The following COL13A1 variants were observed in gnomAD, a reference collection of about 807,000 sequenced individuals.
COL13A1 encodes collagen alpha-1(XIII) chain.
In COL13A1, 89 loss-of-function variants were observed where a neutral mutation model predicts 130.9. The observed-to-expected ratio is 0.68, with a 90% confidence interval of 0.57 to 0.81. The LOEUF is 0.81. Ranked by LOEUF, COL13A1 falls within the 30% of genes least tolerant of loss-of-function variation. The pLI is 0.00. For missense variants in COL13A1, 879 were observed against 934.6 expected (o/e 0.94, Z 0.78); for synonymous variants, 402 against 341.6 (o/e 1.18, Z -1.95).
intron 7 of COL13A1, among the ~76,000 whole-genome samples, chr10:69,881,845 A>T (rs898146512): frequency 4.6e-5 from 7 of 152,250 alleles, no homozygotes; most frequent in African/African-American, 1.7e-4. Flanking sequence ...AGATGAGGAA[A>T]CTGAGGCACA....
chr10:69,930,647 C>T (rs948616726), intron 30 of COL13A1, 95 bp downstream of exon 30: 33 of 1,373,976 alleles, frequency 2.4e-5, no homozygotes, highest in Middle Eastern at 2.6e-4. Flanking sequence ...ATGTGAGCTG[C>T]TGCCTGGGCT....
intron 2 of COL13A1, among the ~76,000 whole-genome samples, chr10:69,859,408 C>T (rs568968394): frequency 9.3e-4 from 142 of 152,086 alleles, no homozygotes; most frequent in Non-Finnish European, 1.5e-3. Flanking sequence ...GGGTGGCATT[C>T]GACATGAGTC....
In COL13A1 at chr10:69,919,719, G is replaced by A. The variant is rs768668848; in HGVS notation, c.1081G>A (p.Gly361Arg). ...GCCCCCAGGTTTGCTGGGAAAGAGG[G>A]GGCAGAGGGTAGGATATCGTGTATT... ...PGPPGLLGKR[G>R]QRGEKGAEGS... is the part of the protein sequence containing the mutation. The change falls in exon 21 of 41, where the codon GGG (glycine) becomes AGG (arginine). Residue 361 changes from glycine to arginine, a missense_variant. Gly to Arg is a moderately radical substitution (Grantham distance 125, BLOSUM62 -2). Around this residue, in one of 3 missense-constraint regions of COL13A1, gnomAD observed 715 missense variants for 721.0 expected, o/e 0.99. Coordinates refer to ENST00000645393, the MANE Select transcript of COL13A1 (RefSeq NM_001368882.1). The A allele has an allele frequency of 2.0e-5, 8 of 398,746 alleles. No homozygotes were observed. The highest frequency in any genetic ancestry group is 2.7e-5 in the Non-Finnish European group (6 of 226,288). The allele number at this position is 398,746 out of a possible 1,614,324, so 24.7% of individuals were successfully genotyped here. A position where few individuals can be genotyped will look rare whatever the true frequency, so the allele number is the denominator to read the frequency against.
intron 38 of COL13A1, 82 bp from the exon 39 acceptor site, chr10:69,952,800 T>C (rs952850204): frequency 1.0e-6 from 1 of 991,232 alleles, no homozygotes; most frequent in Non-Finnish European, 1.5e-6. Flanking sequence ...AATTTTATTT[T>C]TCTTTTTCTG....
At chr10:69,850,171 C>T (rs528864964) in intron 2 of COL13A1, among the ~76,000 whole-genome samples, 2 of 151,836 alleles carry the variant, frequency 1.3e-5, no homozygotes, top group Non-Finnish European at 2.9e-5. Context: ...TGGATGAGAT[C>T]TAAATGTCCA....
At chr10:69,905,933 G>A in intron 17 of COL13A1, 111 bp downstream of exon 17, 4 of 1,223,320 alleles carry the variant, frequency 3.3e-6, no homozygotes, top group Non-Finnish European at 4.6e-6. Flanking sequence ...GGCTGTGCCT[G>A]TAGTGAGGCA....
At chr10:69,831,037 T>C (rs1848698977) in intron 2 of COL13A1, among the ~76,000 whole-genome samples, 1 of 152,224 alleles carries the variant, frequency 6.6e-6, no homozygotes, top group African/African-American at 2.4e-5. Flanking sequence ...AAATAATACA[T>C]TATATTGCTT....
chr10:69,822,685 G>T (rs1846408258), intron 2 of COL13A1, among the ~76,000 whole-genome samples: 1 of 152,208 alleles, frequency 6.6e-6, no homozygotes, highest in South Asian at 2.1e-4. Context: ...TTTGAACCAG[G>T]TTGTGGTGAA....
chr10:69,939,688 C>G (rs2067376433), intron 34 of COL13A1, among the ~76,000 whole-genome samples: 1 of 152,236 alleles, frequency 6.6e-6, no homozygotes, highest in Admixed American at 6.5e-5. Context: ...TCACCATCAC[C>G]CCGGGCTTCA....
rs1224965558 is a variant in COL13A1 at position 69,959,067 on chromosome 10, A to G, written c.*366A>G. The G allele has an allele frequency of 4.5e-6, 1 of 223,090 alleles. No individual in the cohort carries two copies. The highest frequency in any genetic ancestry group is 1.1e-4 in the East Asian group (1 of 9,486). 13.8% of individuals were successfully genotyped at this position (223,090 alleles called of 1,614,324 possible). On this transcript the variant is annotated 3_prime_UTR_variant, in exon 41 of 41. Transcript: ENST00000645393. ...TCACATAAATGTAGAGGTCCATGAT[A>G]TTTGCTAAGCTAGGTGTGTCTAAGA...
chr10:69,927,008 T>C, intron 26 of COL13A1, 79 bp from the exon 27 acceptor site: 1 of 1,602,892 alleles, frequency 6.2e-7, no homozygotes. Context: ...GCTCCCATGT[T>C]TCCATGACTG....
intron 2 of COL13A1, among the ~76,000 whole-genome samples, chr10:69,857,132 C>T (rs1414783324): frequency 1.3e-5 from 2 of 152,182 alleles, no homozygotes; most frequent in African/African-American, 4.8e-5. Flanking sequence ...AATTGGGACT[C>T]CAGTCTCTAC....
chr10:69,822,771 C>T (rs150348383), intron 2 of COL13A1, among the ~76,000 whole-genome samples: 1 of 152,202 alleles, frequency 6.6e-6, no homozygotes, highest in East Asian at 1.9e-4. Context: ...CATCAGCCCC[C>T]CAAGGGGAGG....
In COL13A1 at chr10:69,894,598, A is replaced by G. The variant is rs1226884959; in HGVS notation, c.630+20A>G. On this transcript the variant is annotated intron_variant, in intron 11 of 40. Transcript: ENST00000645393. ...CAGCCGGTTGGTACCTCATCCATCT[A>G]TTTCCCAGCAGAGAAGCTTCCGGTG... 6.2e-7 allele frequency: 1 copy of G among 1,613,736 alleles called. No homozygotes were observed. The highest frequency in any genetic ancestry group is 8.5e-7 in the Non-Finnish European group (1 of 1,179,866).
At chr10:69,880,611 G>A (rs2060037086) in intron 7 of COL13A1, 58 bp downstream of exon 7, 1 of 1,563,464 alleles carries the variant, frequency 6.4e-7, no homozygotes, top group African/African-American at 1.4e-5. Flanking sequence ...TGATGAAAAG[G>A]GCTTTTAGGC....
chr10:69,950,465 G>T (rs190761264), intron 38 of COL13A1, among the ~76,000 whole-genome samples: 2 of 152,218 alleles, frequency 1.3e-5, no homozygotes, highest in Admixed American at 1.3e-4. Flanking sequence ...TTACCCCCGG[G>T]GTATCCTGGA....
intron 16 of COL13A1, 68 bp downstream of exon 16, chr10:69,905,027 G>C: frequency 6.6e-7 from 1 of 1,516,598 alleles, no homozygotes; most frequent in African/African-American, 1.4e-5. Flanking sequence ...GGGGGAGGCA[G>C]CACAGAAGGT....
chr10:69,890,650 T>A (rs10999017), intron 10 of COL13A1, among the ~76,000 whole-genome samples: 44,120 of 152,144 alleles, frequency 0.29, 6,623 homozygotes, highest in Non-Finnish European at 0.33. Context: ...GATGGTGGAG[T>A]GTTGGCTGCA....
chr10:69,868,266 A>G (rs1245972692), intron 3 of COL13A1, among the ~76,000 whole-genome samples: 1 of 152,120 alleles, frequency 6.6e-6, no homozygotes, highest in Non-Finnish European at 1.5e-5. Context: ...CACACCCCTG[A>G]GTGGGGCAGC....
Sources: allele counts gnomAD v4.1 joint callset (sites outside exome capture counted in the v4.1 genomes callset), GRCh38; gene constraint gnomAD v4.1.1; regional missense constraint gnomAD v4.1.1; transcripts MANE v1.5; gene names NCBI Gene and HGNC (gene_info 2026-07-23, HGNC 2026-07-21).